The following NACC2 variants were observed in gnomAD, a reference collection of about 807,000 sequenced individuals.
NACC2 encodes NACC family member 2.
NACC2 carries 8 observed loss-of-function variants against 25.1 expected under a neutral mutation model. That is an observed-to-expected ratio of 0.32 (90% CI 0.19 to 0.57). The LOEUF (loss-of-function observed/expected upper bound fraction) is 0.57, where lower values mean the gene tolerates loss of function less well. NACC2 is among the 20% of genes least tolerant of loss of function. The pLI is 0.89. For synonymous variants in NACC2, 435 were observed against 294.7 expected, an observed-to-expected ratio of 1.48 and a Z score of -4.88; for missense variants, 644 against 650.2, an observed-to-expected ratio of 0.99 and a Z score of 0.10.
chr9:136,046,890 G>C (rs1432105602), intron 2 of NACC2, among the ~76,000 whole-genome samples: 4 of 152,156 alleles, frequency 2.6e-5, no homozygotes, highest in African/African-American at 9.7e-5. Flanking sequence ...GTAATATTTT[G>C]ACTTATTTCA....
At position 136,013,282 on chromosome 9, in the gene NACC2, T is replaced by C; in HGVS notation, c.1172A>G (p.Asn391Ser). The change falls in exon 5 of 6, where the codon AAC (asparagine) becomes AGC (serine). Residue 391 changes from asparagine (N) to serine (S), a missense_variant. Asn to Ser is a conservative substitution (Grantham distance 46). Coordinates refer to ENST00000277554, the MANE Select transcript of NACC2 (RefSeq NM_144653.5). The surrounding 1 kb of genome is among the most constrained non-coding windows in gnomAD (Gnocchi z 6.6). ...CGAGCGGATGCCAGTCCCGCAGCTGTTGGCCAGCGTGTTCCTGGTGGAGGG... is the reference window on the plus strand; with the variant it reads ...CGAGCGGATGCCAGTCCCGCAGCTGCTGGCCAGCGTGTTCCTGGTGGAGGG... ...ATFFDRNTLA[N>S]SCGTGIRSST... 1.9e-6 allele frequency: 3 copies of C among 1,611,522 alleles called. No homozygotes were observed. The highest frequency in any genetic ancestry group is 2.5e-6 in the Non-Finnish European group (3 of 1,179,216).
chr9:136,048,423 G>A (rs905021057), intron 2 of NACC2, among the ~76,000 whole-genome samples: 8 of 152,330 alleles, frequency 5.3e-5, no homozygotes, highest in Admixed American at 3.9e-4. Context: ...GGCCAATTCC[G>A]TAGCTAGCAA....
At chr9:136,032,695 G>A (rs778888010) in intron 2 of NACC2, among the ~76,000 whole-genome samples, 4 of 152,120 alleles carry the variant, frequency 2.6e-5, no homozygotes, top group Non-Finnish European at 4.4e-5. Context: ...TCAGGAGTTC[G>A]AGACCAGCCC....
At position 136,072,244 on chromosome 9, in the gene NACC2, GA is replaced by G. The variant is rs112519476; in HGVS notation, c.-59-21665del. Among the ~76,000 whole-genome samples the G allele has an allele frequency of 1.3e-3, 184 of 137,766 alleles. No individual in the cohort carries two copies. The East Asian group carries it at 0.02, about 15-fold the overall frequency. The allele number at this position is 137,766 out of a possible 152,430, so 90.4% of individuals were successfully genotyped here. On this transcript the variant is annotated intron_variant, in intron 1 of 5. Coordinates refer to ENST00000277554, the MANE Select transcript of NACC2 (RefSeq NM_144653.5). ...CAAGAGTGAAACTCTGTCTCAAAAA[GA>G]AAAAAAAAAAAACCCAAAGGCAGGG...
chr9:136,042,438 G>C (rs963190205), intron 2 of NACC2, among the ~76,000 whole-genome samples: 1 of 152,038 alleles, frequency 6.6e-6, no homozygotes, highest in Non-Finnish European at 1.5e-5. Flanking sequence ...TAGGCCTGCA[G>C]GTACGTATTC....
At chr9:136,025,637 G>T (rs1276171442) in intron 2 of NACC2, among the ~76,000 whole-genome samples, 1 of 151,954 alleles carries the variant, frequency 6.6e-6, no homozygotes, top group Non-Finnish European at 1.5e-5. Flanking sequence ...AACGCAGCCG[G>T]GCGCAGTGGC....
intron 1 of NACC2, among the ~76,000 whole-genome samples, chr9:136,093,885 G>A (rs1210618585): frequency 6.6e-6 from 1 of 152,208 alleles, no homozygotes; most frequent in African/African-American, 2.4e-5. Flanking sequence ...GGGTGCTACA[G>A]GCTAAAACAC....
intron 1 of NACC2, among the ~76,000 whole-genome samples, chr9:136,059,044 G>A (rs1413648629): frequency 6.6e-6 from 1 of 152,226 alleles, no homozygotes; most frequent in African/African-American, 2.4e-5. Flanking sequence ...GAAGGTGCTG[G>A]GTCAGGGGCA....
In NACC2 at chr9:136,020,690, A is replaced by AT. The variant is rs1840279185; in HGVS notation, c.887-4262dup. On this transcript the variant is annotated intron_variant, in intron 2 of 5. Transcript: ENST00000277554. This position sits in a 1 kb window ranked among gnomAD's most constrained non-coding sequence, Gnocchi z 4.7. ...GGACAGAACAGTGCTGAATCAACTG[A>AT]TTTTAAGACTTCCTGTACAGCTACA... is the stretch of plus-strand genomic sequence containing the variant. Among the ~76,000 whole-genome samples, 1 of 152,212 alleles carries AT rather than the reference A, an allele frequency of 6.6e-6. No homozygotes were observed. The highest frequency in any genetic ancestry group is 2.1e-4 in the South Asian group (1 of 4,830).
At chr9:136,064,149 C>T (rs1841051173) in intron 1 of NACC2, among the ~76,000 whole-genome samples, 2 of 151,140 alleles carry the variant, frequency 1.3e-5, no homozygotes, top group South Asian at 2.1e-4. Flanking sequence ...ATGAGCTGGG[C>T]GTTGTGTTGT....
At chr9:136,044,491 C>T (rs1200062002) in intron 2 of NACC2, among the ~76,000 whole-genome samples, 9 of 152,138 alleles carry the variant, frequency 5.9e-5, no homozygotes, top group Admixed American at 3.3e-4. Flanking sequence ...CGGCACTCCC[C>T]GGTCTGGCCA....
intron 1 of NACC2, among the ~76,000 whole-genome samples, chr9:136,059,049 G>T (rs1840971395): frequency 6.6e-6 from 1 of 151,932 alleles, no homozygotes; most frequent in Non-Finnish European, 1.5e-5. Flanking sequence ...TGCTGGGTCA[G>T]GGGCAGGGGA....
Position 136,011,825 on chromosome 9 carries a change from A to G in NACC2, c.1455T>C (p.Pro485=), listed in dbSNP as rs9626. 1,120,648 of 1,568,066 alleles carry G rather than the reference A, an allele frequency of 0.71. 401,729 individuals are homozygous for G. The highest frequency in any genetic ancestry group is 0.79 in the African/African-American group (58,204 of 73,698). Residue 485 remains proline, a synonymous_variant, in exon 6 of 6, where the codon CCT becomes CCC. Coordinates refer to ENST00000277554, the MANE Select transcript of NACC2 (RefSeq NM_144653.5). The part of the protein sequence containing the change: ...ASVPLDPEFP[P]AAAQVFEQRI... Reference sequence around the variant, plus strand: ...GTTGCTCGAACACCTGTGCCGCGGCAGGCGGGAACTCGGGGTCGAGGGGCA... The same window carrying G: ...GTTGCTCGAACACCTGTGCCGCGGCGGGCGGGAACTCGGGGTCGAGGGGCA...
chr9:136,034,831 T>G (rs1274174941), intron 2 of NACC2, among the ~76,000 whole-genome samples: 6 of 152,150 alleles, frequency 3.9e-5, no homozygotes, highest in Admixed American at 2.0e-4. Flanking sequence ...CAGTGGCTCA[T>G]GCCTGTAACC....
rs1840795937 is a variant in NACC2, at chr9:136,050,055, G to A, written c.467C>T (p.Ala156Val). ...CNQLQPAAAA[A>V]APYVVSPSVP... ...CGAGGGGGACACGACGTAGGGGGCC[G>A]CGGCGGCGGCGGCCGGCTGCAGCTG... The change falls in exon 2 of 6, where the codon GCG becomes GTG. Residue 156 changes from alanine (A) to valine (V), a missense_variant. By Grantham distance (64) the Ala-to-Val change is moderately conservative. Coordinates refer to ENST00000277554, the MANE Select transcript of NACC2 (RefSeq NM_144653.5). 1.5e-6 allele frequency: 1 copy of A among 676,128 alleles called. No homozygotes were observed. Among genetic ancestry groups the A allele is most frequent in the Non-Finnish European group, 2.8e-6 (1 of 363,476 alleles). 41.9% of individuals were successfully genotyped at this position (676,128 alleles called of 1,614,324 possible).
chr9:136,081,824 C>T (rs895588123), intron 1 of NACC2, among the ~76,000 whole-genome samples: 9 of 152,170 alleles, frequency 5.9e-5, no homozygotes, highest in Non-Finnish European at 1.2e-4. Context: ...CAGGCAACAC[C>T]AGGCTGAGGG....
chr9:136,067,255 GAAACTCTGTCTCA>G (rs1841095797), intron 1 of NACC2, among the ~76,000 whole-genome samples: 1 of 128,072 alleles, frequency 7.8e-6, no homozygotes, highest in South Asian at 2.7e-4. Context: ...CAACAAGAGG[GAAACTCTGTCTCA>G]AAAAAAAAAA....
At chr9:136,069,952 TCTAA>T (rs1260822855) in intron 1 of NACC2, among the ~76,000 whole-genome samples, 5 of 151,974 alleles carry the variant, frequency 3.3e-5, no homozygotes, top group Admixed American at 2.6e-4. Context: ...ATCAGCAGGA[TCTAA>T]CTGACATTAC....
At chr9:136,068,583 G>T (rs7026190) in intron 1 of NACC2, among the ~76,000 whole-genome samples, 74,734 of 150,530 alleles carry the variant, frequency 0.5, 19,595 homozygotes, top group Middle Eastern at 0.64. Context: ...TCAGCTCTAT[G>T]ATAATCTCAT....
Sources: allele counts gnomAD v4.1 joint callset (sites outside exome capture counted in the v4.1 genomes callset), GRCh38; gene constraint gnomAD v4.1.1; non-coding constraint Gnocchi (gnomAD v3.1); transcripts MANE v1.5; gene names NCBI Gene and HGNC (gene_info 2026-07-23, HGNC 2026-07-21).